Variants in ADGRF5 observed in about 807,000 individuals in gnomAD.
ADGRF5 encodes G-protein coupled receptor 116.
Under a neutral mutation model 132.3 loss-of-function variants are expected in ADGRF5, and 75 were observed. That is an observed-to-expected ratio of 0.57 (90% CI 0.47 to 0.69). The LOEUF (loss-of-function observed/expected upper bound fraction) is 0.69, where lower values mean the gene tolerates loss of function less well. Among genes scored for constraint, ADGRF5 ranks in the 30% least tolerant of loss-of-function variants. The pLI is 0.00. For synonymous variants in ADGRF5, 629 were observed against 597.6 expected, an observed-to-expected ratio of 1.05 and a Z score of -0.77; for missense variants, 1,516 against 1,630.6, an observed-to-expected ratio of 0.93 and a Z score of 1.21.
chr6:46,889,783 T>TAC (rs1773461247), intron 3 of ADGRF5, among the ~76,000 whole-genome samples: 1 of 21,978 alleles, frequency 4.6e-5, no homozygotes, highest in African/African-American at 1.1e-4. Context: ...TGTGTGTGTA[T>TAC]ATATATATAT....
chr6:46,904,898 G>A (rs1488756188), intron 2 of ADGRF5, among the ~76,000 whole-genome samples: 1 of 151,644 alleles, frequency 6.6e-6, no homozygotes, highest in Non-Finnish European at 1.5e-5. Context: ...TACCTTGAAG[G>A]GTAGATCTAC....
Position 46,867,119 on chromosome 6 carries a change from A to C in ADGRF5, c.1640T>G (p.Phe547Cys). The change falls in exon 13 of 21, where the codon TTT (phenylalanine) becomes TGT (cysteine). Residue 547 changes from phenylalanine to cysteine, a missense_variant. Around this residue, in one of 2 missense-constraint regions of ADGRF5, gnomAD observed 945 missense variants for 929.4 expected, o/e 1.02. Transcript: ENST00000283296. ...REWNGTYHCIFRYKNSYSIAT... is the reference protein window; with the variant it reads ...REWNGTYHCICRYKNSYSIAT... Reference sequence around the variant, plus strand: ...AATACTGTATGAATTCTTATATCTAAATATGCAGTGATAGGTTCCTGAGTA... The same window carrying C: ...AATACTGTATGAATTCTTATATCTACATATGCAGTGATAGGTTCCTGAGTA... The C allele has an allele frequency of 6.2e-7, 1 of 1,606,398 alleles. No individual in the cohort carries two copies.
At chr6:46,896,962 T>A (rs1194018697) in intron 3 of ADGRF5, among the ~76,000 whole-genome samples, 1 of 152,002 alleles carries the variant, frequency 6.6e-6, no homozygotes, top group Non-Finnish European at 1.5e-5. Context: ...AGGATGTACA[T>A]AGGTTATATG....
chr6:46,868,402 T>C (rs1198143825), intron 12 of ADGRF5, among the ~76,000 whole-genome samples: 1 of 152,258 alleles, frequency 6.6e-6, no homozygotes, highest in Non-Finnish European at 1.5e-5. Flanking sequence ...GCTATTATTG[T>C]AGCAGTTCTA....
chr6:46,875,173 A>G (rs1411262511), intron 10 of ADGRF5, among the ~76,000 whole-genome samples: 1 of 152,192 alleles, frequency 6.6e-6, no homozygotes, highest in Non-Finnish European at 1.5e-5. Flanking sequence ...ATTCAGAGAA[A>G]GAGTGGAGAA....
intron 1 of ADGRF5, among the ~76,000 whole-genome samples, chr6:46,929,495 T>TAA (rs1356228695): frequency 1.6e-4 from 8 of 49,170 alleles, no homozygotes; most frequent in Non-Finnish European, 3.1e-4. Context: ...AGTATAATAA[T>TAA]AATAAAATAA....
At chr6:46,860,520 T>C (rs1387439203) in intron 16 of ADGRF5, among the ~76,000 whole-genome samples, 195 bp downstream of exon 16, 1 of 152,212 alleles carries the variant, frequency 6.6e-6, no homozygotes, top group East Asian at 1.9e-4. Context: ...CACTAATAAA[T>C]ATTCTTAAGG....
intron 1 of ADGRF5, among the ~76,000 whole-genome samples, chr6:46,912,006 TAAATCACTGAGTC>T (rs1775996579): frequency 6.6e-6 from 1 of 152,172 alleles, no homozygotes; most frequent in South Asian, 2.1e-4. Flanking sequence ...CCGACAATAT[TAAATCACTGAGTC>T]TTTACAATTC....
intron 1 of ADGRF5, among the ~76,000 whole-genome samples, chr6:46,906,991 G>T (rs1775450599): frequency 6.6e-6 from 1 of 152,190 alleles, no homozygotes; most frequent in African/African-American, 2.4e-5. Flanking sequence ...GGGAATGCGG[G>T]TTGATAGGCT....
rs1201980278 is a variant in ADGRF5 at position 46,869,254 on chromosome 6, C to T, written c.1412-162G>A. 8 of 1,458,650 alleles carry T rather than the reference C, an allele frequency of 5.5e-6. No homozygotes were observed. In the African/African-American group the frequency reaches 1.1e-4, roughly 21 times the overall value. The allele number at this position is 1,458,650 out of a possible 1,614,324, so 90.4% of individuals were successfully genotyped here. On this transcript the variant is annotated intron_variant, in intron 11 of 20. Coordinates refer to ENST00000283296, the MANE Select transcript of ADGRF5 (RefSeq NM_001098518.2). Reference sequence around the variant, plus strand: ...TCAAGGTAGAATTGGTACCTTGCTGCTCCTGGGCTTTACTCGTTTCTAGGC... The same window carrying T: ...TCAAGGTAGAATTGGTACCTTGCTGTTCCTGGGCTTTACTCGTTTCTAGGC...
intron 1 of ADGRF5, among the ~76,000 whole-genome samples, chr6:46,927,668 A>G (rs895056933): frequency 2.0e-5 from 3 of 152,240 alleles, no homozygotes; most frequent in African/African-American, 7.2e-5. Context: ...AGCCAGCAAC[A>G]GAATTTCCTT....
chr6:46,860,995 C>T (rs778910260), intron 15 of ADGRF5, 101 bp from the exon 16 acceptor site: 311 of 860,234 alleles, frequency 3.6e-4, no homozygotes, highest in Non-Finnish European at 5.2e-4. Flanking sequence ...TCCGTTGTTT[C>T]CTTTTTTGCT....
At chr6:46,930,048 T>C (rs1777480450) in intron 1 of ADGRF5, among the ~76,000 whole-genome samples, 1 of 152,096 alleles carries the variant, frequency 6.6e-6, no homozygotes, top group Non-Finnish European at 1.5e-5. Context: ...CTCGAACTCC[T>C]GACCTCAGGT....
intron 10 of ADGRF5, among the ~76,000 whole-genome samples, chr6:46,872,980 A>G (rs898135585): frequency 6.6e-6 from 1 of 152,188 alleles, no homozygotes; most frequent in African/African-American, 2.4e-5. Context: ...TGTTTGAAAC[A>G]CGAAACTGAT....
chr6:46,916,111 C>T (rs1408459574), intron 1 of ADGRF5, among the ~76,000 whole-genome samples: 1 of 152,202 alleles, frequency 6.6e-6, no homozygotes, highest in Non-Finnish European at 1.5e-5. Context: ...TAAGCTCATC[C>T]ACTTCCATAG....
Position 46,859,282 on chromosome 6 carries a change from T to A in ADGRF5, c.2621A>T (p.Tyr874Phe), listed in dbSNP as rs1346018090. 6.2e-7 allele frequency: 1 copy of A among 1,613,820 alleles called. No individual in the cohort carries two copies. Among genetic ancestry groups the A allele is most frequent in the African/African-American group, 1.3e-5 (1 of 74,864 alleles). Residue 874 changes from tyrosine to phenylalanine, a missense_variant, in exon 17 of 21, where the codon TAC (tyrosine) becomes TTC (phenylalanine). By Grantham distance (22) the Tyr-to-Phe change is conservative. Coordinates refer to ENST00000283296, the MANE Select transcript of ADGRF5 (RefSeq NM_001098518.2). ...ETYQQRFVFP[Y>F]FDLWGNVVID... is the part of the protein sequence containing the mutation. The stretch of plus-strand genomic sequence containing the variant: ...GACCACATTGCCCCAGAGGTCAAAG[T>A]ATGGGAAAACAAACCTCTGTTGATA...
At chr6:46,924,674 C>G (rs544451895), upstream of ADGRF5, among the ~76,000 whole-genome samples, 2 of 152,228 alleles carry the variant, frequency 1.3e-5, no homozygotes, top group East Asian at 3.9e-4. Flanking sequence ...TCAATAGGCC[C>G]TCAAACAGAA....
intron 10 of ADGRF5, among the ~76,000 whole-genome samples, chr6:46,873,185 C>G (rs532327608): frequency 3.3e-5 from 5 of 152,232 alleles, no homozygotes; most frequent in East Asian, 1.9e-4. Flanking sequence ...TCCCCTTCAA[C>G]CCCCAGATAC....
chr6:46,903,087 C>T (rs146649456), intron 2 of ADGRF5, among the ~76,000 whole-genome samples: 53 of 152,228 alleles, frequency 3.5e-4, no homozygotes, highest in African/African-American at 1.0e-3. Context: ...TGTATCCTGC[C>T]GGCATGGGGC....
Sources: gnomAD v4.1 joint callset for allele counts (sites outside exome capture counted in the v4.1 genomes callset) on GRCh38, gnomAD v4.1.1 for gene constraint, gnomAD v4.1.1 regional missense constraint, MANE v1.5 for transcripts, NCBI Gene and HGNC (gene_info 2026-07-23, HGNC 2026-07-21) for gene names.